Variants in LNPEP observed in about 807,000 individuals in gnomAD.
The protein encoded by LNPEP is leucyl-cystinyl aminopeptidase.
In LNPEP, 64 loss-of-function variants were observed where a neutral mutation model predicts 120.6. The ratio of observed to expected loss-of-function variants is 0.53; its 90% CI spans 0.43 to 0.65. The LOEUF is 0.65. Ranked by LOEUF, LNPEP falls within the 30% of genes least tolerant of loss-of-function variation. The pLI is 0.00. For missense variants in LNPEP, 1,057 were observed against 1,200.0 expected (o/e 0.88, Z 1.76); for synonymous variants, 435 against 425.4 (o/e 1.02, Z -0.28).
chr5:97,021,885 T>G (rs569567538), intron 13 of LNPEP, among the ~76,000 whole-genome samples: 7 of 150,982 alleles, frequency 4.6e-5, no homozygotes, highest in African/African-American at 1.5e-4. Flanking sequence ...GGAAAAGAGA[T>G]CTAATTGTCC....
chr5:97,028,343 G>T (rs1229248974), intron 17 of LNPEP, 59 bp from the exon 18 acceptor site: 5 of 1,516,744 alleles, frequency 3.3e-6, no homozygotes, highest in Non-Finnish European at 4.6e-6. Flanking sequence ...AAAAGCTGGG[G>T]TTACCTGAGG....
At position 96,998,031 on chromosome 5, in the gene LNPEP, T is replaced by A; in HGVS notation, c.1539T>A (p.Asp513Glu). The change falls in exon 8 of 18, where the codon GAT becomes GAA. Residue 513 changes from aspartate (D) to glutamate (E), a missense_variant. Transcript: ENST00000231368. ...KELSSYEDFL[D>E]ARFKTMKKDS... is the part of the protein sequence containing the mutation. ...TTTGACAGTATGAAGATTTCTTAGA[T>A]GCTCGATTTAAAACCATGAAGAAAG... 6.4e-7 allele frequency: 1 copy of A among 1,573,952 alleles called. No individual in the cohort carries two copies.
Position 97,028,584 on chromosome 5 carries a change from TG to T in LNPEP, c.*54del, listed in dbSNP as rs1467056478. 6.3e-7 allele frequency: 1 copy of T among 1,596,532 alleles called. No individual in the cohort carries two copies. Among genetic ancestry groups the T allele is most frequent in the Admixed American group, 1.8e-5 (1 of 56,810 alleles). On this transcript the variant is annotated 3_prime_UTR_variant, in exon 18 of 18. Coordinates refer to ENST00000231368, the MANE Select transcript of LNPEP (RefSeq NM_005575.3). The stretch of plus-strand genomic sequence containing the variant: ...TGCCCATTCAGAGAGCTTGTAAGCT[TG>T]GGCTCTGCCGCTTTTGCAAAAGCCA...
In LNPEP at chr5:96,997,128, A is replaced by C. The variant is rs1165933745; in HGVS notation, c.1521+625A>C. Among the ~76,000 whole-genome samples, 8 of 152,124 alleles carry C rather than the reference A, an allele frequency of 5.3e-5. No individual in the cohort carries two copies. In the East Asian group the frequency reaches 1.5e-3, roughly 29 times the overall value. ...TATTTCCAGTACTTAGGGATATTCAAACACACTAGGCCATGATATGACAGA... is the reference window on the plus strand; with the variant it reads ...TATTTCCAGTACTTAGGGATATTCACACACACTAGGCCATGATATGACAGA... On this transcript the variant is annotated intron_variant, in intron 7 of 17. Transcript: ENST00000231368.
At chr5:96,954,683 TAC>T in intron 1 of LNPEP, among the ~76,000 whole-genome samples, 1 of 59,786 alleles carries the variant, frequency 1.7e-5, no homozygotes, top group Non-Finnish European at 3.8e-5. Flanking sequence ...TACACATATA[TAC>T]ATATATACAC....
chr5:96,957,139 G>A (rs140318685), intron 1 of LNPEP, among the ~76,000 whole-genome samples: 1 of 152,122 alleles, frequency 6.6e-6, no homozygotes, highest in African/African-American at 2.4e-5. Context: ...ATTGAGGATT[G>A]TTTACATTTT....
chr5:96,958,188 T>C (rs757040814), intron 1 of LNPEP, among the ~76,000 whole-genome samples: 5 of 152,224 alleles, frequency 3.3e-5, no homozygotes, highest in Admixed American at 1.3e-4. Context: ...CTATAACCTA[T>C]TATAAAGTGA....
intron 1 of LNPEP, among the ~76,000 whole-genome samples, chr5:96,957,606 A>G (rs2112575881): frequency 6.6e-6 from 1 of 152,254 alleles, no homozygotes; most frequent in African/African-American, 2.4e-5. Flanking sequence ...TTCAGCCTGC[A>G]CTTGTGGCTT....
intron 1 of LNPEP, among the ~76,000 whole-genome samples, chr5:96,954,007 G>C (rs7736466): frequency 0.49 from 75,113 of 151,956 alleles, 18,723 homozygotes; most frequent in African/African-American, 0.56. Context: ...TAAATAAAAT[G>C]GTTGCTAGTG....
chr5:97,019,560 T>C (rs750229192), intron 13 of LNPEP, among the ~76,000 whole-genome samples: 6 of 152,194 alleles, frequency 3.9e-5, no homozygotes, highest in Non-Finnish European at 8.8e-5. Context: ...GGAGACTAAC[T>C]AGTAAAATTG....
At chr5:97,019,573 C>T (rs1018505196) in intron 13 of LNPEP, among the ~76,000 whole-genome samples, 2 of 152,242 alleles carry the variant, frequency 1.3e-5, no homozygotes, top group South Asian at 2.1e-4. Context: ...TAAAATTGCT[C>T]CCTGTAATTC....
chr5:97,029,330 A>G lies in LNPEP; in HGVS notation c.*797A>G, dbSNP rs1791426044. On this transcript the variant is annotated 3_prime_UTR_variant, in exon 18 of 18. Transcript: ENST00000231368. ...ATTCATAAATGGTGATAGTCCCCAG[A>G]TCTGTACACCTTTATCACTCCCTGC... The G allele has an allele frequency of 6.6e-6, 1 of 152,318 alleles. No individual in the cohort carries two copies. Among genetic ancestry groups the G allele is most frequent in the Non-Finnish European group, 1.5e-5 (1 of 68,034 alleles). 9.4% of individuals were successfully genotyped at this position (152,318 alleles called of 1,614,324 possible).
intron 1 of LNPEP, among the ~76,000 whole-genome samples, chr5:96,971,213 G>A (rs887606216): frequency 1.3e-5 from 2 of 151,766 alleles, no homozygotes; most frequent in Admixed American, 1.3e-4. Context: ...GGCCTCCACC[G>A]TTGACATGAG....
Position 96,986,557 on chromosome 5 carries a change from G to T in LNPEP, c.1018G>T (p.Asp340Tyr). The change falls in exon 4 of 18, where the codon GAT becomes TAT. Residue 340 changes from aspartate to tyrosine, a missense_variant. Physicochemically the swap from Asp to Tyr is radical, Grantham distance 160. Coordinates refer to ENST00000231368, the MANE Select transcript of LNPEP (RefSeq NM_005575.3). ...NMPKKSSVVL[D>Y]DGLVQDEFSE... is the part of the protein sequence containing the mutation. ...CTTGTAGAAGTCATCAGTCGTTCTA[G>T]ATGATGGACTTGTTCAGGATGAGTT... 1 of 1,613,428 alleles carries T rather than the reference G, an allele frequency of 6.2e-7. No homozygotes were observed. Among genetic ancestry groups the T allele is most frequent in the Non-Finnish European group, 8.5e-7 (1 of 1,179,544 alleles).
chr5:96,993,098 A>C lies in LNPEP; in HGVS notation c.1215A>C (p.Gln405His). 6.2e-7 allele frequency: 1 copy of C among 1,601,172 alleles called. No individual in the cohort carries two copies. The highest frequency in any genetic ancestry group is 8.5e-7 in the Non-Finnish European group (1 of 1,171,702). The change falls in exon 5 of 18, where the codon CAA becomes CAC. Residue 405 changes from glutamine to histidine, a missense_variant. Transcript: ENST00000231368. ...CTGTGAAGCTTCTTGAGTTTTTTCA[A>C]AACTACTTTGAAATTCAGTACCCAC... ...ETTVKLLEFFQNYFEIQYPLK... is the reference protein window; with the variant it reads ...ETTVKLLEFFHNYFEIQYPLK...
chr5:96,979,951 C>G lies in LNPEP; in HGVS notation c.833C>G (p.Ser278Cys). Residue 278 changes from serine to cysteine, a missense_variant, in exon 2 of 18, where the codon TCC becomes TGC. Physicochemically the swap from Ser to Cys is moderately radical, Grantham distance 112 (BLOSUM62 -1). Transcript: ENST00000231368. ...SSSYYGFYGF[S>C]YTDESNEKKY... ...TCTTATTATGGGTTTTATGGCTTCT[C>G]CTACACAGATGAAAGTAATGAGAAA... 5.6e-6 allele frequency: 9 copies of G among 1,596,758 alleles called. No individual in the cohort carries two copies. The highest frequency in any genetic ancestry group is 7.7e-6 in the Non-Finnish European group (9 of 1,169,650).
chr5:97,023,543 C>T (rs1399520650), intron 14 of LNPEP, among the ~76,000 whole-genome samples: 2 of 152,162 alleles, frequency 1.3e-5, no homozygotes, highest in Admixed American at 6.5e-5. Context: ...CATGAGCCAC[C>T]ATACCTGGCT....
rs567002019 is a variant in LNPEP, at chr5:97,037,026, A to G, written c.*8493A>G. 1.3e-5 allele frequency: 2 copies of G among 152,306 alleles called. No individual in the cohort carries two copies. The highest frequency in any genetic ancestry group is 1.9e-4 in the East Asian group (1 of 5,186). The allele number at this position is 152,306 out of a possible 1,614,324, so 9.4% of individuals were successfully genotyped here. On this transcript the variant is annotated 3_prime_UTR_variant, in exon 18 of 18. Coordinates refer to ENST00000231368, the MANE Select transcript of LNPEP (RefSeq NM_005575.3). ...CTGTGTAAACCATCAGTACAATAAT[A>G]CGCTGTGTATGTATGTGTATATAAA... is the stretch of plus-strand genomic sequence containing the variant.
intron 13 of LNPEP, among the ~76,000 whole-genome samples, chr5:97,020,707 C>G (rs1174595913): frequency 6.6e-6 from 1 of 152,080 alleles, no homozygotes; most frequent in Non-Finnish European, 1.5e-5. Flanking sequence ...GAGGCTGAAG[C>G]AGGAGAATGA....
Sources: allele counts gnomAD v4.1 joint callset (sites outside exome capture counted in the v4.1 genomes callset), GRCh38; gene constraint gnomAD v4.1.1; transcripts MANE v1.5; gene names NCBI Gene and HGNC (gene_info 2026-07-23, HGNC 2026-07-21).